The following GALNT9 variants were observed in gnomAD, a reference collection of about 807,000 sequenced individuals.
GALNT9 encodes the protein polypeptide N-acetylgalactosaminyltransferase 9, also known as GalNAc transferase 9.
A neutral mutation model predicts 63.1 loss-of-function variants in GALNT9; 47 were observed. That is an observed-to-expected ratio of 0.75 (90% confidence interval 0.59 to 0.95). The LOEUF (loss-of-function observed/expected upper bound fraction) is 0.95, where lower values mean the gene tolerates loss of function less well. Ranked by LOEUF, GALNT9 falls within the 40% of genes least tolerant of loss-of-function variation. GALNT9 has a pLI of 0.00. For synonymous variants in GALNT9, 396 were observed against 365.7 expected, an observed-to-expected ratio of 1.08 and a Z score of -0.94; for missense variants, 829 against 874.8, an observed-to-expected ratio of 0.95 and a Z score of 0.66.
At chr12:132,328,859 AG>A in intron 1 of GALNT9, 106 bp downstream of exon 1, 1 of 1,281,820 alleles carries the variant, frequency 7.8e-7, no homozygotes, top group South Asian at 1.7e-5. Context: ...TCCCTCCCAC[AG>A]GGGCGCAGAG....
chr12:132,318,685 G>A (rs1018530581), intron 1 of GALNT9, among the ~76,000 whole-genome samples: 1 of 152,240 alleles, frequency 6.6e-6, no homozygotes, highest in Non-Finnish European at 1.5e-5. Flanking sequence ...CCCCGTGTGT[G>A]GCCAGCGTTG....
intron 4 of GALNT9, among the ~76,000 whole-genome samples, chr12:132,259,671 G>A (rs1312312005): frequency 6.6e-6 from 1 of 152,142 alleles, no homozygotes; most frequent in African/African-American, 2.4e-5. Flanking sequence ...AAAACGCCAG[G>A]TTCCCCGGGG....
At chr12:132,304,846 C>G (rs1478988922) in intron 1 of GALNT9, among the ~76,000 whole-genome samples, 5 of 58,182 alleles carry the variant, frequency 8.6e-5, no homozygotes, top group South Asian at 7.8e-4. Context: ...CCCGGGCACA[C>G]CCTCACCCGG....
intron 1 of GALNT9, among the ~76,000 whole-genome samples, chr12:132,321,787 T>C (rs919305918): frequency 1.3e-5 from 2 of 151,598 alleles, no homozygotes; most frequent in Non-Finnish European, 2.9e-5. Context: ...ACCTGTCCCC[T>C]CACACACCTG....
intron 1 of GALNT9, among the ~76,000 whole-genome samples, chr12:132,295,907 A>AGCCTCCGAACAGGGACG (rs34595989): frequency 1.5e-5 from 1 of 67,632 alleles, no homozygotes; most frequent in Admixed American, 1.3e-4. Flanking sequence ...GAACAGGGAG[A>AGCCTCCGAACAGGGACG]GCCTCCGAAC....
chr12:132,213,745 G>C (rs532104913), intron 6 of GALNT9, among the ~76,000 whole-genome samples: 64 of 152,336 alleles, frequency 4.2e-4, no homozygotes, highest in African/African-American at 1.5e-3. Flanking sequence ...GCCCACTGTG[G>C]CCTCTGCATT....
rs138324682 is a variant in GALNT9, at chr12:132,267,800, C to CAGACACACACACAT, written c.420-5176_420-5175insATGTGTGTGTGTCT. Among the ~76,000 whole-genome samples, 476 of 140,080 alleles carry CAGACACACACACAT rather than the reference C, an allele frequency of 3.4e-3. 7 individuals are homozygous for CAGACACACACACAT. The highest frequency in any genetic ancestry group is 0.014 in the African/African-American group (447 of 32,920). 91.9% of individuals were successfully genotyped at this position (140,080 alleles called of 152,430 possible). On this transcript the variant is annotated intron_variant, in intron 2 of 10. Coordinates refer to ENST00000328957, the MANE Select transcript of GALNT9 (RefSeq NM_001122636.2). ...ACACACGCACACACACGCACTCACACGCACTCACACACGCACTCACACATG... is the reference window on the plus strand; with the variant it reads ...ACACACGCACACACACGCACTCACACAGACACACACACATGCACTCACACACGCACTCACACATG...
intron 2 of GALNT9, chr12:132,278,114 G>C (rs1466357989): frequency 1.3e-5 from 2 of 151,912 alleles, no homozygotes; most frequent in East Asian, 3.9e-4. Flanking sequence ...CAGTAGGCAG[G>C]GGCCAGGCTG....
rs969546837 is a variant in GALNT9, at chr12:132,199,189, G to A, written c.1482C>T (p.His494=). The part of the protein sequence containing the change: ...DGDRAILYPC[H]GMSSQLVRYS... The stretch of plus-strand genomic sequence containing the variant: ...CTACTCCTACCTGGGAGGACATCCC[G>A]TGGCAGGGGTAGAGGATCGCCCGGT... Residue 494 remains histidine (H), a synonymous_variant, in exon 9 of 11, where the codon CAC becomes CAT. Transcript: ENST00000328957. 1.6e-5 allele frequency: 25 copies of A among 1,600,462 alleles called. No homozygotes were observed. Among genetic ancestry groups the A allele is most frequent in the Middle Eastern group, 3.3e-4 (2 of 6,052 alleles).
chr12:132,311,828 A>T (rs1881824331), intron 1 of GALNT9, among the ~76,000 whole-genome samples: 1 of 152,166 alleles, frequency 6.6e-6, no homozygotes, highest in African/African-American at 2.4e-5. Context: ...GGGAGTGTGG[A>T]GGGTGGAGGG....
At chr12:132,223,081 A>C (rs1379354508) in intron 6 of GALNT9, among the ~76,000 whole-genome samples, 32,174 of 59,772 alleles carry the variant, frequency 0.54, 9,466 homozygotes, top group East Asian at 0.75. Flanking sequence ...CATACACCCC[A>C]CACACACACC....
At position 132,245,783 on chromosome 12, in the gene GALNT9, C is replaced by T. The variant is rs1706277482; in HGVS notation, c.1077+2127G>A. On this transcript the variant is annotated intron_variant, in intron 6 of 10. Coordinates refer to ENST00000328957, the MANE Select transcript of GALNT9 (RefSeq NM_001122636.2). This position sits in a 1 kb window ranked among gnomAD's most constrained non-coding sequence, Gnocchi z 6.3. ...TCCTCTCACTGCAGCTGGGTTTGGC[C>T]CACGGGAGCCGATTTTGTTTGGAGG... 6.6e-6 allele frequency among the ~76,000 whole-genome samples: 1 copy of T among 152,244 alleles called. No homozygotes were observed. Among genetic ancestry groups the T allele is most frequent in the African/African-American group, 2.4e-5 (1 of 41,466 alleles).
intron 6 of GALNT9, chr12:132,240,573 T>A (rs1442764829): frequency 1.3e-5 from 6 of 454,030 alleles, no homozygotes; most frequent in Non-Finnish European, 2.2e-5. Flanking sequence ...GCTCCGTGCG[T>A]GGCCCCGGGG....
rs139441969 is a variant in GALNT9, at chr12:132,203,535, G to A, written c.1233C>T (p.His411=). 703 of 1,613,940 alleles carry A rather than the reference G, an allele frequency of 4.4e-4. 2 individuals carry two copies. In the Middle Eastern group the frequency reaches 8.9e-3, roughly 20 times the overall value. ...TGGGGATGTTCCAGGCCATGTACACGTGGGACTTGAAGTCATCCATCCACA... is the reference window on the plus strand; with the variant it reads ...TGGGGATGTTCCAGGCCATGTACACATGGGACTTGAAGTCATCCATCCACA... ...AEVWMDDFKS[H]VYMAWNIPMS... Residue 411 remains histidine (H), a synonymous_variant, in exon 7 of 11, where the codon CAC becomes CAT. Transcript: ENST00000328957.
At chr12:132,209,364 A>T (rs1876856286) in intron 6 of GALNT9, among the ~76,000 whole-genome samples, 1 of 144,760 alleles carries the variant, frequency 6.9e-6, no homozygotes, top group Non-Finnish European at 1.5e-5. Context: ...GTCTTTACTA[A>T]AAAAAATAAA....
At chr12:132,209,503 T>G (rs1876866564) in intron 6 of GALNT9, among the ~76,000 whole-genome samples, 1 of 152,124 alleles carries the variant, frequency 6.6e-6, no homozygotes, top group South Asian at 2.1e-4. Flanking sequence ...TGAGCCGAGA[T>G]CGCACCATTG....
intron 3 of GALNT9, among the ~76,000 whole-genome samples, chr12:132,261,657 A>G (rs903764768): frequency 1.3e-5 from 2 of 152,028 alleles, no homozygotes; most frequent in Non-Finnish European, 2.9e-5. Flanking sequence ...GGGCTAGGGC[A>G]CTGCTGCAGG....
intron 1 of GALNT9, among the ~76,000 whole-genome samples, chr12:132,305,910 AG>A (rs1417406776): frequency 6.6e-6 from 1 of 152,168 alleles, no homozygotes; most frequent in African/African-American, 2.4e-5. Context: ...TTGGGTCCAA[AG>A]GAGCTGAGTC....
chr12:132,240,633 G>A lies in GALNT9; in HGVS notation c.1077+7277C>T, dbSNP rs2136898989. 26 of 450,474 alleles carry A rather than the reference G, an allele frequency of 5.8e-5. 1 individual carries two copies. Among genetic ancestry groups the A allele is most frequent in the South Asian group, 1.9e-4 (12 of 63,784 alleles). The allele number at this position is 450,474 out of a possible 1,614,324, so 27.9% of individuals were successfully genotyped here. A position where few individuals can be genotyped will look rare whatever the true frequency, so the allele number is the denominator to read the frequency against. ...CCCCGGGGCTCGGCTGTGCTCTATG[G>A]GCCTCGGACCTGCTCCTCTTCACTC... On this transcript the variant is annotated intron_variant, in intron 6 of 10. Coordinates refer to ENST00000328957, the MANE Select transcript of GALNT9 (RefSeq NM_001122636.2).
Sources: allele counts gnomAD v4.1 joint callset (sites outside exome capture counted in the v4.1 genomes callset), GRCh38; gene constraint gnomAD v4.1.1; non-coding constraint Gnocchi (gnomAD v3.1); transcripts MANE v1.5; gene names NCBI Gene and HGNC (gene_info 2026-07-23, HGNC 2026-07-21).